The following STXBP3 variants were observed in gnomAD, a reference collection of about 807,000 sequenced individuals.
STXBP3 encodes syntaxin binding protein 3.
A neutral mutation model predicts 85.7 loss-of-function variants in STXBP3; 41 were observed. The ratio of observed to expected loss-of-function variants is 0.48; its 90% CI spans 0.37 to 0.62. The LOEUF is 0.62. Ranked by LOEUF, STXBP3 falls within the 20% of genes least tolerant of loss-of-function variation. The pLI, the probability that STXBP3 is intolerant of heterozygous loss-of-function variation, is 0.00. For missense variants in STXBP3, 563 were observed against 703.1 expected (o/e 0.80, Z 2.25); for synonymous variants, 229 against 231.7 (o/e 0.99, Z 0.10).
chr1:108,766,299 ATATG>A (rs1662262763), intron 6 of STXBP3, among the ~76,000 whole-genome samples: 1 of 152,180 alleles, frequency 6.6e-6, no homozygotes, highest in African/African-American at 2.4e-5. Context: ...GTAGGCAAAA[ATATG>A]GTTTATGTTT....
At chr1:108,760,158 A>G in intron 6 of STXBP3, 73 bp downstream of exon 6, 3 of 799,034 alleles carry the variant, frequency 3.8e-6, no homozygotes, top group Non-Finnish European at 5.9e-6. Flanking sequence ...TTAATAAAGT[A>G]TATTCTGAAG....
At chr1:108,750,098 A>G (rs1661870179) in intron 1 of STXBP3, among the ~76,000 whole-genome samples, 1 of 152,046 alleles carries the variant, frequency 6.6e-6, no homozygotes, top group Non-Finnish European at 1.5e-5. Flanking sequence ...CTGTAATGAG[A>G]TGACTTCTGC....
rs1663202825 is a variant in STXBP3 at position 108,800,234 on chromosome 1, T to C, written c.1464T>C (p.Asn488=). The C allele has an allele frequency of 1.2e-6, 2 of 1,609,802 alleles. No homozygotes were observed. Among genetic ancestry groups the C allele is most frequent in the Non-Finnish European group, 1.7e-6 (2 of 1,176,328 alleles). Residue 488 remains asparagine (N), a synonymous_variant, in exon 17 of 19, where the codon AAT becomes AAC. Transcript: ENST00000370008. ...TCCTTCCTTAGGATGCTATTGATAA[T>C]AGATTAGATTCAAAAGAATGGCCAT... ...IKDIMEDAID[N]RLDSKEWPYC... is the part of the protein sequence containing the mutation.
intron 6 of STXBP3, among the ~76,000 whole-genome samples, chr1:108,765,540 A>C (rs1662242512): frequency 6.6e-6 from 1 of 151,458 alleles, no homozygotes; most frequent in Non-Finnish European, 1.5e-5. Context: ...AAAGGTGTGA[A>C]AATGTCATGG....
chr1:108,779,679 A>T (rs915211076), intron 9 of STXBP3: 1 of 221,582 alleles, frequency 4.5e-6, no homozygotes, highest in Non-Finnish European at 8.7e-6. Context: ...AACACAGGGA[A>T]TTTGGCCCTT....
intron 17 of STXBP3, among the ~76,000 whole-genome samples, chr1:108,801,418 G>A (rs1663229422): frequency 6.6e-6 from 1 of 151,988 alleles, no homozygotes. Context: ...TTGAACTATG[G>A]AATCTTTCTC....
At chr1:108,794,276 A>AT (rs1220162197) in intron 12 of STXBP3, among the ~76,000 whole-genome samples, 1 of 152,118 alleles carries the variant, frequency 6.6e-6, no homozygotes, top group African/African-American at 2.4e-5. Context: ...CTCCTGTTGT[A>AT]TTAGTCTGTT....
chr1:108,796,508 T>C lies in STXBP3; in HGVS notation c.1250-112T>C, dbSNP rs1663103289. The C allele has an allele frequency of 5.9e-6, 7 of 1,179,796 alleles. No individual in the cohort carries two copies. In the South Asian group the frequency reaches 8.0e-5, roughly 13 times the overall value. The allele number at this position is 1,179,796 out of a possible 1,614,324, so 73.1% of individuals were successfully genotyped here. On this transcript the variant is annotated intron_variant, in intron 14 of 18. Transcript: ENST00000370008. Reference sequence around the variant, plus strand: ...AATCGAGAGAAGACTGAAGGAGATATAATTTGACTGTTTTTTATTTTAAAA... The same window carrying C: ...AATCGAGAGAAGACTGAAGGAGATACAATTTGACTGTTTTTTATTTTAAAA...
In STXBP3 at chr1:108,800,283, T is replaced by C. The variant is rs372353253; in HGVS notation, c.1513T>C (p.Trp505Arg). The change falls in exon 17 of 19, where the codon TGG becomes CGG. Residue 505 changes from tryptophan to arginine, a missense_variant. Transcript: ENST00000370008. ...WPYCSQCPAV[W>R]NGSGAVSARQ... is the part of the protein sequence containing the mutation. ...ATATTGTTCCCAGTGTCCAGCAGTA[T>C]GGAATGGTTCAGGAGCTGTAAGGTA... 6.0e-5 allele frequency: 97 copies of C among 1,611,860 alleles called. No homozygotes were observed. The highest frequency in any genetic ancestry group is 8.2e-5 in the Non-Finnish European group (97 of 1,178,214).
chr1:108,776,927 C>T (rs765759492), intron 8 of STXBP3, among the ~76,000 whole-genome samples: 1 of 151,970 alleles, frequency 6.6e-6, no homozygotes, highest in Non-Finnish European at 1.5e-5. Context: ...CCTTGCTAGG[C>T]GGTATGAGGA....
intron 6 of STXBP3, among the ~76,000 whole-genome samples, chr1:108,768,725 C>T (rs1353850517): frequency 6.6e-6 from 1 of 152,080 alleles, no homozygotes; most frequent in East Asian, 1.9e-4. Context: ...TCCTAGAAGT[C>T]AGGAGATCAT....
At position 108,798,143 on chromosome 1, in the gene STXBP3, A is replaced by G; in HGVS notation, c.1357-2A>G. The G allele has an allele frequency of 6.2e-7, 1 of 1,603,102 alleles. No homozygotes were observed. The highest frequency in any genetic ancestry group is 8.5e-7 in the Non-Finnish European group (1 of 1,175,898). ...TTAATTTTTTTCCTCTAATTGTATT[A>G]GTCTCAACAAGGCAAACCGTTAAGA... is the stretch of plus-strand genomic sequence containing the variant. On this transcript the variant is annotated splice_acceptor_variant, in intron 15 of 18. Transcript: ENST00000370008. LOFTEE classifies it high-confidence loss of function.
chr1:108,746,755 A>C lies in STXBP3; in HGVS notation c.18A>C (p.Ala6=), dbSNP rs1661789581. 1 of 1,550,236 alleles carries C rather than the reference A, an allele frequency of 6.5e-7. No homozygotes were observed. Among genetic ancestry groups the C allele is most frequent in the Admixed American group, 2.0e-5 (1 of 51,008 alleles). Residue 6 remains alanine (A), a synonymous_variant, in exon 1 of 19, where the codon GCA becomes GCC. Coordinates refer to ENST00000370008, the MANE Select transcript of STXBP3 (RefSeq NM_007269.4). ...TCGGGAAGATGGCGCCGCCGGTGGC[A>C]GAGAGGGGGCTAAAGAGCGTCGTGT... MAPPV[A]ERGLKSVVWQ...
chr1:108,753,086 C>T lies in STXBP3; in HGVS notation c.123C>T (p.Thr41=), dbSNP rs1046080784. The T allele has an allele frequency of 2.5e-6, 4 of 1,585,042 alleles. No homozygotes were observed. The highest frequency in any genetic ancestry group is 3.4e-6 in the Non-Finnish European group (4 of 1,167,244). The change falls in exon 3 of 19, where the codon ACC becomes ACT. Residue 41 remains threonine, a synonymous_variant. Transcript: ENST00000370008. ...AGATAATGCTTTTAGATGAATTTAC[C>T]ACTAAGCTTTTGGCATCGTGTTGCA... is the stretch of plus-strand genomic sequence containing the variant. The part of the protein sequence containing the change: ...EWKIMLLDEF[T]TKLLASCCKM...
chr1:108,785,479 C>T (rs966208123), intron 11 of STXBP3, among the ~76,000 whole-genome samples: 7 of 152,150 alleles, frequency 4.6e-5, no homozygotes, highest in Non-Finnish European at 7.4e-5. Context: ...GCCTGACCCA[C>T]GAAACCATTT....
chr1:108,756,998 T>C (rs183880581), intron 4 of STXBP3: 20 of 299,056 alleles, frequency 6.7e-5, no homozygotes, highest in African/African-American at 4.3e-4. Flanking sequence ...AGAATTAAAT[T>C]GTATAAAATA....
chr1:108,755,471 A>G (rs1016757709), intron 3 of STXBP3, among the ~76,000 whole-genome samples: 8 of 152,066 alleles, frequency 5.3e-5, no homozygotes, highest in Admixed American at 3.3e-4. Context: ...AAAGTAAAAA[A>G]CAGACTGGGA....
intron 15 of STXBP3, among the ~76,000 whole-genome samples, chr1:108,797,645 T>G (rs551343010): frequency 9.9e-4 from 151 of 152,110 alleles, no homozygotes; most frequent in African/African-American, 3.4e-3. Context: ...TGACCTCAGG[T>G]GATCTGCCCG....
intron 8 of STXBP3, among the ~76,000 whole-genome samples, chr1:108,776,931 A>G (rs752190942): frequency 2.0e-4 from 31 of 152,152 alleles, no homozygotes; most frequent in Non-Finnish European, 3.2e-4. Context: ...GCTAGGCGGT[A>G]TGAGGATTAA....
Sources: gnomAD v4.1 joint callset for allele counts (sites outside exome capture counted in the v4.1 genomes callset) on GRCh38, gnomAD v4.1.1 for gene constraint, MANE v1.5 for transcripts, NCBI Gene and HGNC (gene_info 2026-07-23, HGNC 2026-07-21) for gene names.